Variants in EFL1 observed in about 807,000 individuals in gnomAD.
EFL1 encodes the protein elongation factor-like GTPase 1.
A neutral mutation model predicts 126.7 loss-of-function variants in EFL1; 76 were observed. The observed-to-expected ratio is 0.60, with a 90% CI of 0.50 to 0.73. EFL1 has a LOEUF of 0.73. Among genes scored for constraint, EFL1 ranks in the 30% least tolerant of loss-of-function variants. The probability of loss-of-function intolerance (pLI) is 0.00; values close to 1 mark genes in which losing one functional copy is unlikely to be tolerated. For missense variants in EFL1, 1,128 were observed against 1,343.2 expected, an observed-to-expected ratio of 0.84 and a Z score of 2.50; for synonymous variants, 410 against 448.4, an observed-to-expected ratio of 0.91 and a Z score of 1.08.
chr15:82,160,181 T>A (rs1015343928), intron 16 of EFL1: 2 of 152,250 alleles, frequency 1.3e-5, no homozygotes, highest in African/African-American at 4.8e-5. Flanking sequence ...TGTTTTGGAA[T>A]GCTGGCTGCA....
chr15:82,180,670 C>G (rs1040470560), intron 15 of EFL1, among the ~76,000 whole-genome samples: 1 of 151,750 alleles, frequency 6.6e-6, no homozygotes, highest in Non-Finnish European at 1.5e-5. Flanking sequence ...AGATCCTTCC[C>G]TCTCCCCTTT....
At chr15:82,186,128 T>G (rs979134812) in intron 15 of EFL1, among the ~76,000 whole-genome samples, 1 of 152,152 alleles carries the variant, frequency 6.6e-6, no homozygotes, top group African/African-American at 2.4e-5. Flanking sequence ...GTGGAATGAA[T>G]AGTTGCTTGT....
At chr15:82,223,948 A>T (rs1241826345) in intron 12 of EFL1, among the ~76,000 whole-genome samples, 1 of 152,200 alleles carries the variant, frequency 6.6e-6, no homozygotes, top group African/African-American at 2.4e-5. Context: ...GAATACACTT[A>T]ATGTCCAAAT....
chr15:82,220,373 A>C (rs1487360611), intron 12 of EFL1, 144 bp from the exon 13 acceptor site: 2 of 913,824 alleles, frequency 2.2e-6, no homozygotes, highest in African/African-American at 1.7e-5. Flanking sequence ...GTCTGTAGCA[A>C]TAAGAGAGGG....
chr15:82,152,211 A>C lies in EFL1; in HGVS notation c.2243T>G (p.Leu748Arg). 2 of 1,614,146 alleles carry C rather than the reference A, an allele frequency of 1.2e-6. No individual in the cohort carries two copies. The highest frequency in any genetic ancestry group is 1.7e-6 in the Non-Finnish European group (2 of 1,180,018). Residue 748 changes from leucine (L) to arginine (R), a missense_variant, in exon 18 of 20, where the codon CTT becomes CGT. Leu to Arg is a moderately radical substitution (Grantham distance 102, BLOSUM62 -2). Around this residue, in one of 6 missense-constraint regions of EFL1, gnomAD observed 561 missense variants for 641.7 expected, o/e 0.87. Transcript: ENST00000268206. Reference sequence around the variant, plus strand: ...CATGGCTCGAACACTGAGCGTGGCAAGTTTATTGGGAGTTGTTATGGTGAT... The same window carrying C: ...CATGGCTCGAACACTGAGCGTGGCACGTTTATTGGGAGTTGTTATGGTGAT... ...GLITITTPNK[L>R]ATLSVRAMPL...
At chr15:82,231,081 C>A in intron 7 of EFL1, 110 bp from the exon 8 acceptor site, 1 of 1,311,400 alleles carries the variant, frequency 7.6e-7, no homozygotes, top group Non-Finnish European at 1.0e-6. Flanking sequence ...ATCCAGTATC[C>A]TACAAAATTT....
In EFL1 at chr15:82,213,141, T is replaced by C. The variant is rs538680691; in HGVS notation, c.1750+1576A>G. On this transcript the variant is annotated intron_variant, in intron 15 of 19. Transcript: ENST00000268206. ...CAGCTAAATACAATCTTAACTCTTA[T>C]AGGAAATAAATCTGGCTTTTCCTCT... Among the ~76,000 whole-genome samples the C allele has an allele frequency of 4.6e-5, 7 of 152,328 alleles. No individual in the cohort carries two copies. The South Asian group carries it at 6.2e-4, about 14-fold the overall frequency.
intron 15 of EFL1, among the ~76,000 whole-genome samples, chr15:82,186,481 A>C (rs1237968019): frequency 1.3e-5 from 2 of 152,204 alleles, no homozygotes; most frequent in African/African-American, 4.8e-5. Context: ...CACAAACTGA[A>C]TCATTTCCAA....
chr15:82,134,729 T>C (rs897949198), intron 19 of EFL1, among the ~76,000 whole-genome samples: 1 of 152,250 alleles, frequency 6.6e-6, no homozygotes, highest in East Asian at 1.9e-4. Flanking sequence ...CTGACATACA[T>C]GTACAACAGC....
chr15:82,259,227 T>G, intron 2 of EFL1, 72 bp from the exon 3 acceptor site: 1 of 1,321,978 alleles, frequency 7.6e-7, no homozygotes, highest in Non-Finnish European at 1.1e-6. Flanking sequence ...CCTATAGATT[T>G]AAAATCTGGT....
chr15:82,241,650 G>A (rs2074932461), intron 4 of EFL1, among the ~76,000 whole-genome samples: 1 of 152,182 alleles, frequency 6.6e-6, no homozygotes, highest in South Asian at 2.1e-4. Flanking sequence ...AGAGCTTATT[G>A]GGAGCCAGCC....
chr15:82,151,180 T>C (rs900836983), intron 18 of EFL1, among the ~76,000 whole-genome samples: 19 of 151,958 alleles, frequency 1.3e-4, no homozygotes, highest in African/African-American at 4.4e-4. Flanking sequence ...AACTCAGGAG[T>C]TCGAGACCAA....
intron 15 of EFL1, among the ~76,000 whole-genome samples, chr15:82,202,654 C>T (rs1326776508): frequency 1.3e-5 from 2 of 152,080 alleles, no homozygotes; most frequent in Admixed American, 1.3e-4. Context: ...AGGCCTGTTG[C>T]CCAGGGCTAC....
intron 11 of EFL1, among the ~76,000 whole-genome samples, chr15:82,227,218 C>T (rs1048230586): frequency 3.9e-5 from 6 of 152,160 alleles, no homozygotes; most frequent in Non-Finnish European, 7.4e-5. Flanking sequence ...GTGTACAAGT[C>T]GCTGGTCTCA....
chr15:82,203,798 A>C (rs1488054648), intron 15 of EFL1, among the ~76,000 whole-genome samples: 5 of 152,238 alleles, frequency 3.3e-5, no homozygotes, highest in Non-Finnish European at 7.3e-5. Flanking sequence ...ACGAATGTAT[A>C]ATATTCCATT....
In EFL1 at chr15:82,148,205, C is replaced by A. The variant is rs537785847; in HGVS notation, c.2989+3260G>T. 2.0e-4 allele frequency among the ~76,000 whole-genome samples: 31 copies of A among 151,878 alleles called. No individual in the cohort carries two copies. The South Asian group carries it at 5.6e-3, about 28-fold the overall frequency. On this transcript the variant is annotated intron_variant, in intron 18 of 19. Coordinates refer to ENST00000268206, the MANE Select transcript of EFL1 (RefSeq NM_024580.6). ...CCAACCTGGCCAACATAGTGAAATG[C>A]CGTCTCTACTAAAAATATAAAAATT...
chr15:82,190,291 T>C (rs80031916), intron 15 of EFL1, among the ~76,000 whole-genome samples: 2,725 of 152,316 alleles, frequency 0.018, 28 homozygotes, highest in Non-Finnish European at 0.026. Context: ...TCAGTTCATT[T>C]GTTTTTCTTA....
chr15:82,138,962 G>T, intron 18 of EFL1, 120 bp from the exon 19 acceptor site: 1 of 949,424 alleles, frequency 1.1e-6, no homozygotes, highest in Non-Finnish European at 1.5e-6. Flanking sequence ...TCTCAATAAT[G>T]TTGATTTACA....
At chr15:82,170,145 C>T (rs1595957110) in intron 15 of EFL1, among the ~76,000 whole-genome samples, 1 of 122,568 alleles carries the variant, frequency 8.2e-6, no homozygotes, top group Non-Finnish European at 1.6e-5. Flanking sequence ...GACGGAGTCT[C>T]GCTCTGTCGC....
Sources: gnomAD v4.1 joint callset for allele counts (sites outside exome capture counted in the v4.1 genomes callset) on GRCh38, gnomAD v4.1.1 for gene constraint, gnomAD v4.1.1 regional missense constraint, MANE v1.5 for transcripts, NCBI Gene and HGNC (gene_info 2026-07-23, HGNC 2026-07-21) for gene names.